Variants in SLC39A11 observed in about 807,000 individuals in gnomAD.
SLC39A11 encodes the protein zinc transporter ZIP11.
SLC39A11 carries 33 observed loss-of-function variants against 36.1 expected under a neutral mutation model. The ratio of observed to expected loss-of-function variants is 0.91; its 90% CI spans 0.69 to 1.22. The LOEUF (loss-of-function observed/expected upper bound fraction) is 1.22, where lower values mean the gene tolerates loss of function less well. Among genes scored for constraint, SLC39A11 ranks in the 50% most tolerant of loss-of-function variants. The probability of loss-of-function intolerance (pLI) is 0.00; values close to 1 mark genes in which losing one functional copy is unlikely to be tolerated. For synonymous variants in SLC39A11, 166 were observed against 170.3 expected, an observed-to-expected ratio of 0.97 and a Z score of 0.20; for missense variants, 432 against 430.3, an observed-to-expected ratio of 1.00 and a Z score of -0.03.
chr17:72,673,513 C>G (rs1336874764), intron 7 of SLC39A11, among the ~76,000 whole-genome samples: 1 of 151,176 alleles, frequency 6.6e-6, no homozygotes, highest in Admixed American at 6.6e-5. Context: ...AATAGAATTC[C>G]TGTGAGAAAA....
intron 5 of SLC39A11, among the ~76,000 whole-genome samples, chr17:72,865,135 G>C (rs994394545): frequency 1.3e-5 from 2 of 152,142 alleles, no homozygotes; most frequent in African/African-American, 4.8e-5. Context: ...TGAGAAACTA[G>C]AAACCGGAGC....
At chr17:72,811,835 G>A (rs1206584577) in intron 6 of SLC39A11, among the ~76,000 whole-genome samples, 2 of 152,146 alleles carry the variant, frequency 1.3e-5, no homozygotes, top group African/African-American at 4.8e-5. Flanking sequence ...AGATGATAAG[G>A]GAACCACATC....
intron 6 of SLC39A11, among the ~76,000 whole-genome samples, chr17:72,832,485 T>C (rs2078328503): frequency 6.6e-6 from 1 of 152,208 alleles, no homozygotes; most frequent in African/African-American, 2.4e-5. Flanking sequence ...AGTAATACAT[T>C]TTGTTTAAGT....
chr17:72,977,573 A>G (rs2087952939), intron 4 of SLC39A11, among the ~76,000 whole-genome samples: 1 of 152,138 alleles, frequency 6.6e-6, no homozygotes, highest in African/African-American at 2.4e-5. Context: ...CCCTGGTGAG[A>G]TACACCAGGG....
intron 6 of SLC39A11, among the ~76,000 whole-genome samples, chr17:72,841,907 C>CA (rs36098047): frequency 0.44 from 63,565 of 145,272 alleles, 13,743 homozygotes; most frequent in East Asian, 0.65. Flanking sequence ...ACAAAAAATA[C>CA]AAAAAAAAAA....
intron 6 of SLC39A11, among the ~76,000 whole-genome samples, chr17:72,809,911 A>C (rs550183090): frequency 6.6e-6 from 1 of 152,164 alleles, no homozygotes; most frequent in East Asian, 1.9e-4. Flanking sequence ...CTCTACTAAA[A>C]ATACAAAAAC....
intron 5 of SLC39A11, among the ~76,000 whole-genome samples, chr17:72,879,591 G>A (rs537353460): frequency 2.0e-5 from 3 of 152,244 alleles, no homozygotes; most frequent in African/African-American, 2.4e-5. Flanking sequence ...CTGTTTTGCC[G>A]TAGTGTTACT....
At position 72,955,848 on chromosome 17, in the gene SLC39A11, A is replaced by T. The variant is rs141726867; in HGVS notation, c.307-7973T>A. 1.9e-4 allele frequency among the ~76,000 whole-genome samples: 29 copies of T among 152,292 alleles called. No individual in the cohort carries two copies. In the East Asian group the frequency reaches 3.3e-3, roughly 17 times the overall value. On this transcript the variant is annotated intron_variant, in intron 4 of 9. Transcript: ENST00000255559. ...GAGAAAAGAGAGGATTGGTGCACAG[A>T]GGGGAAGAAAAGGCTTAAAAGAATT...
At chr17:72,807,242 T>C (rs2077286029) in intron 6 of SLC39A11, among the ~76,000 whole-genome samples, 1 of 152,246 alleles carries the variant, frequency 6.6e-6, no homozygotes, top group Non-Finnish European at 1.5e-5. Context: ...TCCAAATTAA[T>C]TTTTCTGTCT....
At chr17:72,719,573 C>T (rs908868020) in intron 7 of SLC39A11, among the ~76,000 whole-genome samples, 1 of 152,214 alleles carries the variant, frequency 6.6e-6, no homozygotes. Context: ...CCCCAAGTCG[C>T]TTGTAACAAG....
chr17:73,079,430 A>G (rs117683163), intron 3 of SLC39A11, among the ~76,000 whole-genome samples: 2 of 152,324 alleles, frequency 1.3e-5, no homozygotes, highest in East Asian at 3.9e-4. Context: ...CTTCCCTGCC[A>G]TAAAAATATC....
At chr17:72,696,640 T>C (rs1011285695) in intron 7 of SLC39A11, among the ~76,000 whole-genome samples, 2 of 152,180 alleles carry the variant, frequency 1.3e-5, no homozygotes, top group Non-Finnish European at 2.9e-5. Flanking sequence ...CTGATTTCCA[T>C]ATAAATTTTC....
intron 7 of SLC39A11, among the ~76,000 whole-genome samples, chr17:72,657,078 T>C (rs1381431013): frequency 6.6e-6 from 1 of 151,178 alleles, no homozygotes; most frequent in Non-Finnish European, 1.5e-5. Flanking sequence ...AATAAATAAA[T>C]AGGCCAGGCA....
At chr17:72,990,549 C>T (rs1042787182) in intron 4 of SLC39A11, among the ~76,000 whole-genome samples, 16 of 152,116 alleles carry the variant, frequency 1.1e-4, no homozygotes, top group Non-Finnish European at 2.1e-4. Flanking sequence ...CTCAGCCTCG[C>T]GAGGAGCTGG....
chr17:72,649,017 C>T (rs768136135), intron 8 of SLC39A11, 56 bp from the exon 9 acceptor site: 54 of 1,578,428 alleles, frequency 3.4e-5, no homozygotes, highest in Admixed American at 1.6e-4. Flanking sequence ...AGACACTCCA[C>T]GTGCCCAGAC....
intron 7 of SLC39A11, among the ~76,000 whole-genome samples, chr17:72,736,392 A>T (rs1197499621): frequency 6.6e-6 from 1 of 152,170 alleles, no homozygotes; most frequent in Non-Finnish European, 1.5e-5. Flanking sequence ...TGCTTAGAGT[A>T]CAGCTTGCGA....
chr17:72,798,431 T>TTTTTTTTG (rs2076972351), intron 6 of SLC39A11, among the ~76,000 whole-genome samples: 1 of 150,776 alleles, frequency 6.6e-6, no homozygotes, highest in African/African-American at 2.4e-5. Flanking sequence ...TTTTTTTTTT[T>TTTTTTTTG]GAGATGGAGC....
intron 3 of SLC39A11, among the ~76,000 whole-genome samples, chr17:73,061,842 G>A (rs867158695): frequency 4.6e-5 from 7 of 151,652 alleles, no homozygotes; most frequent in African/African-American, 1.5e-4. Context: ...AAAAAAACAC[G>A]AAAATTAGCC....
chr17:72,726,462 G>C (rs963530961), intron 7 of SLC39A11, among the ~76,000 whole-genome samples: 1 of 152,112 alleles, frequency 6.6e-6, no homozygotes, highest in African/African-American at 2.4e-5. Flanking sequence ...AGCAAGCTAT[G>C]ATTGTGCCAC....
Sources: gnomAD v4.1 joint callset for allele counts (sites outside exome capture counted in the v4.1 genomes callset) on GRCh38, gnomAD v4.1.1 for gene constraint, MANE v1.5 for transcripts, NCBI Gene and HGNC (gene_info 2026-07-23, HGNC 2026-07-21) for gene names.